The following AKAP6 variants were observed in gnomAD, a reference collection of about 807,000 sequenced individuals.
The protein encoded by AKAP6 is A-kinase anchoring protein 6, also known as A-kinase anchor protein 6.
A neutral mutation model predicts 188.5 loss-of-function variants in AKAP6; 58 were observed. The observed-to-expected ratio is 0.31, with a 90% confidence interval of 0.25 to 0.38. The LOEUF is 0.38. Among genes scored for constraint, AKAP6 ranks in the 10% least tolerant of loss-of-function variants. The pLI is 1.00. For synonymous variants in AKAP6, 989 were observed against 998.6 expected, an observed-to-expected ratio of 0.99 and a Z score of 0.18; for missense variants, 2,710 against 2,740.0, an observed-to-expected ratio of 0.99 and a Z score of 0.24.
At chr14:32,517,902 T>C (rs1881604900) in intron 2 of AKAP6, among the ~76,000 whole-genome samples, 1 of 152,182 alleles carries the variant, frequency 6.6e-6, no homozygotes, top group African/African-American at 2.4e-5. Flanking sequence ...CCTCCTCAAG[T>C]GGGTCCCTGA....
chr14:32,571,172 A>C (rs1332372495), intron 4 of AKAP6, among the ~76,000 whole-genome samples: 1 of 152,036 alleles, frequency 6.6e-6, no homozygotes, highest in Non-Finnish European at 1.5e-5. Context: ...AATTGTCCAG[A>C]TGAGAGCATA....
rs181924383 is a variant in AKAP6, at chr14:32,387,883, C to G, written c.-34-45577C>G. On this transcript the variant is annotated intron_variant, in intron 1 of 13. Coordinates refer to ENST00000280979, the MANE Select transcript of AKAP6 (RefSeq NM_004274.5). ...TCATAGAATGATTTAGGGAGGGTTC[C>G]CTCTTTTTCTATCTTGTGGAATAGT... Among the ~76,000 whole-genome samples, 310 of 151,590 alleles carry G rather than the reference C, an allele frequency of 2.0e-3. 1 individual carries two copies. Among genetic ancestry groups the G allele is most frequent in the African/African-American group, 7.2e-3 (298 of 41,334 alleles).
Position 32,377,386 on chromosome 14 carries a change from T to C in AKAP6, c.-35+47978T>C, listed in dbSNP as rs1020987041. 2.6e-5 allele frequency among the ~76,000 whole-genome samples: 4 copies of C among 152,246 alleles called. No homozygotes were observed. In the East Asian group the frequency reaches 5.8e-4, roughly 22 times the overall value. On this transcript the variant is annotated intron_variant, in intron 1 of 13. Coordinates refer to ENST00000280979, the MANE Select transcript of AKAP6 (RefSeq NM_004274.5). ...TTGAACTGTATAACACATTCAGCCA[T>C]GTCCTCTTTTGTTTTTCCCATGAGA...
At chr14:32,770,200 C>T (rs181648645) in intron 11 of AKAP6, among the ~76,000 whole-genome samples, 13 of 152,224 alleles carry the variant, frequency 8.5e-5, no homozygotes, top group African/African-American at 3.1e-4. Flanking sequence ...AGCCTTAAGC[C>T]TGTTGGTAAC....
chr14:32,449,112 C>T (rs879469712), intron 2 of AKAP6, among the ~76,000 whole-genome samples: 12 of 152,080 alleles, frequency 7.9e-5, no homozygotes, highest in South Asian at 6.2e-4. Context: ...CTACAATGTC[C>T]GAATTTCCTT....
intron 8 of AKAP6, among the ~76,000 whole-genome samples, chr14:32,684,358 A>G (rs1485002107): frequency 2.0e-5 from 3 of 152,232 alleles, no homozygotes; most frequent in African/African-American, 7.2e-5. Flanking sequence ...CTGCTGTAAT[A>G]TGCAAGAATT....
intron 12 of AKAP6, among the ~76,000 whole-genome samples, chr14:32,813,394 C>CCCG (rs1555365141): frequency 1.7e-5 from 2 of 118,008 alleles, no homozygotes; most frequent in African/African-American, 6.8e-5. Context: ...ACCCTACCCC[C>CCCG]CCCCCCAACC....
chr14:32,451,757 A>T (rs1275977783), intron 2 of AKAP6, among the ~76,000 whole-genome samples: 1 of 152,108 alleles, frequency 6.6e-6, no homozygotes, highest in East Asian at 1.9e-4. Context: ...TAAATAAATT[A>T]TAATGAAATA....
intron 9 of AKAP6, among the ~76,000 whole-genome samples, chr14:32,727,197 A>C (rs1260310955): frequency 6.6e-6 from 1 of 152,160 alleles, no homozygotes; most frequent in Non-Finnish European, 1.5e-5. Flanking sequence ...CACCCTTGAC[A>C]TGGGAAGGAA....
intron 11 of AKAP6, among the ~76,000 whole-genome samples, chr14:32,754,660 G>A (rs1032955200): frequency 6.6e-6 from 1 of 151,950 alleles, no homozygotes; most frequent in Non-Finnish European, 1.5e-5. Flanking sequence ...ACTTCCTTTA[G>A]CATTTCTTGT....
intron 7 of AKAP6, among the ~76,000 whole-genome samples, chr14:32,634,950 G>T (rs538978771): frequency 6.6e-6 from 1 of 151,716 alleles, no homozygotes; most frequent in Non-Finnish European, 1.5e-5. Context: ...AGTTACATGA[G>T]TAAGTTCTTT....
rs544165145 is a variant in AKAP6, at chr14:32,798,881, G to GA, written c.3589-22510dup. Among the ~76,000 whole-genome samples, 458 of 145,998 alleles carry GA rather than the reference G, an allele frequency of 3.1e-3. 4 individuals are homozygous for GA. The highest frequency in any genetic ancestry group is 9.4e-3 in the African/African-American group (377 of 39,938). On this transcript the variant is annotated intron_variant, in intron 12 of 13. Coordinates refer to ENST00000280979, the MANE Select transcript of AKAP6 (RefSeq NM_004274.5). ...CTTTCTGAACCTAAAATAAAAGTTGGAAAAAAAAAAATAATACCTGCTTCA... is the reference window on the plus strand; with the variant it reads ...CTTTCTGAACCTAAAATAAAAGTTGGAAAAAAAAAAAATAATACCTGCTTCA...
At chr14:32,715,146 A>G (rs2383372) in intron 9 of AKAP6, among the ~76,000 whole-genome samples, 27,549 of 152,006 alleles carry the variant, frequency 0.18, 2,767 homozygotes, top group Non-Finnish European at 0.24. Context: ...TCAACTAACA[A>G]TTTATGAAGT....
rs1029728666 is a variant in AKAP6 at position 32,833,154 on chromosome 14, A to C, written c.*3349A>C. Reference sequence around the variant, plus strand: ...AACCTAACCTGTTTCCAAGTAGGGCACTCCCTCCGCTTATTTATTCATTTA... The same window carrying C: ...AACCTAACCTGTTTCCAAGTAGGGCCCTCCCTCCGCTTATTTATTCATTTA... On this transcript the variant is annotated 3_prime_UTR_variant, in exon 14 of 14. Coordinates refer to ENST00000280979, the MANE Select transcript of AKAP6 (RefSeq NM_004274.5). The C allele has an allele frequency of 9.9e-5, 15 of 152,004 alleles. No homozygotes were observed. The highest frequency in any genetic ancestry group is 9.8e-4 in the Admixed American group (15 of 15,242). The allele number at this position is 152,004 out of a possible 1,614,324, so 9.4% of individuals were successfully genotyped here.
At chr14:32,347,847 C>T (rs954691587) in intron 1 of AKAP6, among the ~76,000 whole-genome samples, 2 of 152,228 alleles carry the variant, frequency 1.3e-5, no homozygotes, top group African/African-American at 4.8e-5. Flanking sequence ...TTCTGTTGAC[C>T]TGGTTCCTCC....
At chr14:32,372,077 C>T (rs1248942445) in intron 1 of AKAP6, among the ~76,000 whole-genome samples, 3 of 151,972 alleles carry the variant, frequency 2.0e-5, no homozygotes, top group Admixed American at 2.0e-4. Context: ...ATAGAATGCT[C>T]CTACAAGGGT....
intron 1 of AKAP6, among the ~76,000 whole-genome samples, chr14:32,353,357 C>G (rs549042903): frequency 6.1e-5 from 9 of 147,566 alleles, no homozygotes; most frequent in African/African-American, 2.2e-4. Context: ...GTCAGGAGAT[C>G]GAAACCATCC....
At chr14:32,815,176 G>A (rs1016081796) in intron 12 of AKAP6, among the ~76,000 whole-genome samples, 3 of 152,150 alleles carry the variant, frequency 2.0e-5, no homozygotes, top group East Asian at 3.8e-4. Flanking sequence ...AAATGTGTCC[G>A]TGTCAGTACT....
intron 12 of AKAP6, among the ~76,000 whole-genome samples, chr14:32,790,425 T>C (rs1161183507): frequency 6.6e-6 from 1 of 152,004 alleles, no homozygotes; most frequent in African/African-American, 2.4e-5. Context: ...AATCATCAGA[T>C]TCTGCAAGGT....
Sources: gnomAD v4.1 joint callset for allele counts (sites outside exome capture counted in the v4.1 genomes callset) on GRCh38, gnomAD v4.1.1 for gene constraint, MANE v1.5 for transcripts, NCBI Gene and HGNC (gene_info 2026-07-23, HGNC 2026-07-21) for gene names.